INPP4B: variants seen among roughly 807,000 people sequenced by gnomAD.
INPP4B encodes inositol polyphosphate-4-phosphatase type II B.
Under a neutral mutation model 122.5 loss-of-function variants are expected in INPP4B, and 55 were observed. That is an observed-to-expected ratio of 0.45 (90% CI 0.36 to 0.56). The LOEUF (loss-of-function observed/expected upper bound fraction) is 0.56, where lower values mean the gene tolerates loss of function less well. Among genes scored for constraint, INPP4B ranks in the 20% least tolerant of loss-of-function variants. INPP4B has a pLI of 0.00. For synonymous variants in INPP4B, 403 were observed against 388.7 expected (o/e 1.04, Z -0.43); for missense variants, 1,000 against 1,097.7 (o/e 0.91, Z 1.26).
chr4:142,456,998 A>G (rs1815589056), intron 3 of INPP4B, among the ~76,000 whole-genome samples: 1 of 152,130 alleles, frequency 6.6e-6, no homozygotes, highest in Non-Finnish European at 1.5e-5. Flanking sequence ...CAATACATGC[A>G]TACATAATCA....
At chr4:142,501,691 A>G (rs535299748) in intron 2 of INPP4B, among the ~76,000 whole-genome samples, 1 of 152,230 alleles carries the variant, frequency 6.6e-6, no homozygotes, top group Admixed American at 6.5e-5. Flanking sequence ...TGAGGTGAAG[A>G]AAAAAATCTA....
chr4:142,753,409 C>G (rs1192117780), intron 1 of INPP4B, among the ~76,000 whole-genome samples: 1 of 152,022 alleles, frequency 6.6e-6, no homozygotes, highest in African/African-American at 2.4e-5. Context: ...CTTAAACCTA[C>G]TTTATAGTGA....
At chr4:142,190,205 TTG>T (rs1835146393) in intron 15 of INPP4B, among the ~76,000 whole-genome samples, 1 of 24,204 alleles carries the variant, frequency 4.1e-5, no homozygotes, top group African/African-American at 8.3e-5. Context: ...TTGTTTATTT[TTG>T]TTTTTTTTTT....
chr4:142,537,670 G>C (rs1255775453), intron 2 of INPP4B, among the ~76,000 whole-genome samples: 1 of 151,436 alleles, frequency 6.6e-6, no homozygotes, highest in Non-Finnish European at 1.5e-5. Flanking sequence ...TTAACGGTGA[G>C]AGATAAAAAA....
chr4:142,297,001 ACTTGAAGTTACTTCT>A (rs1759008650), intron 9 of INPP4B, among the ~76,000 whole-genome samples: 1 of 65,372 alleles, frequency 1.5e-5, no homozygotes, highest in Admixed American at 1.7e-4. Context: ...AAGTTACTTC[ACTTGAAGTTACTTCT>A]CTGGACAGTT....
chr4:142,152,232 A>G (rs1419317618), intron 17 of INPP4B, among the ~76,000 whole-genome samples: 4 of 148,356 alleles, frequency 2.7e-5, no homozygotes, highest in Admixed American at 6.7e-5. Flanking sequence ...CCACCACCAC[A>G]CCCGGCTAAT....
At position 142,123,292 on chromosome 4, in the gene INPP4B, T is replaced by C. The variant is rs114952667; in HGVS notation, c.2017A>G (p.Ser673Gly). 3,129 of 1,606,754 alleles carry C rather than the reference T, an allele frequency of 1.9e-3. 9 individuals are homozygous for C. The highest frequency in any genetic ancestry group is 2.5e-3 in the Non-Finnish European group (2,940 of 1,176,220). Residue 673 changes from serine to glycine, a missense_variant and splice_region_variant, in exon 20 of 26, where the codon AGC becomes GGC. Coordinates refer to ENST00000262992, the MANE Select transcript of INPP4B (RefSeq NM_001101669.3). ...TAACTTGTACTAAAGCAATACTCAC[T>C]GTATGTACTTAGCAGTCCTTCATAT... ...VQYEGLLSTY[S>G]DEIGMLEDMA...
chr4:142,694,215 A>C (rs1760679132), intron 2 of INPP4B, among the ~76,000 whole-genome samples: 1 of 151,984 alleles, frequency 6.6e-6, no homozygotes, highest in Admixed American at 6.6e-5. Context: ...TGTACTAAAA[A>C]TACAAAAATT....
intron 5 of INPP4B, among the ~76,000 whole-genome samples, chr4:142,413,079 C>G (rs965435958): frequency 2.0e-5 from 3 of 152,094 alleles, no homozygotes; most frequent in Admixed American, 6.5e-5. Flanking sequence ...CCTAAAGGAC[C>G]ATGCATCGCT....
chr4:142,483,755 T>G (rs969965478), intron 2 of INPP4B, among the ~76,000 whole-genome samples: 1 of 152,090 alleles, frequency 6.6e-6, no homozygotes, highest in Non-Finnish European at 1.5e-5. Context: ...CTGAATTTCT[T>G]GCTATCGTGT....
intron 23 of INPP4B, among the ~76,000 whole-genome samples, chr4:142,089,436 AC>A (rs1216898928): frequency 1.6e-5 from 2 of 128,184 alleles, no homozygotes; most frequent in Non-Finnish European, 3.2e-5. Flanking sequence ...AGATGTTCTC[AC>A]CACACACACA....
chr4:142,295,072 T>C (rs551495921), intron 9 of INPP4B, among the ~76,000 whole-genome samples: 13 of 152,144 alleles, frequency 8.5e-5, no homozygotes, highest in African/African-American at 3.1e-4. Flanking sequence ...ACATTTAGGG[T>C]ACCTGAATGT....
intron 1 of INPP4B, among the ~76,000 whole-genome samples, chr4:142,774,807 C>T (rs1013481716): frequency 6.6e-6 from 1 of 151,994 alleles, no homozygotes; most frequent in Non-Finnish European, 1.5e-5. Flanking sequence ...TGCAGTTTCT[C>T]TTATTATTAA....
intron 2 of INPP4B, among the ~76,000 whole-genome samples, chr4:142,632,052 C>G (rs947623682): frequency 2.6e-5 from 4 of 152,104 alleles, no homozygotes; most frequent in African/African-American, 9.7e-5. Context: ...TTCTCTCAAA[C>G]AGACAAGAAT....
chr4:142,420,956 T>C (rs1278162810), intron 5 of INPP4B, among the ~76,000 whole-genome samples: 1 of 152,154 alleles, frequency 6.6e-6, no homozygotes, highest in African/African-American at 2.4e-5. Context: ...CCACTTACGC[T>C]AATTCATTTA....
chr4:142,787,121 T>C (rs1203211925), intron 1 of INPP4B, among the ~76,000 whole-genome samples: 1 of 152,154 alleles, frequency 6.6e-6, no homozygotes, highest in East Asian at 1.9e-4. Context: ...AATTTTGTTG[T>C]AAATCTGAAA....
chr4:142,073,160 T>C (rs981102478), intron 25 of INPP4B, among the ~76,000 whole-genome samples: 1 of 152,148 alleles, frequency 6.6e-6, no homozygotes, highest in Non-Finnish European at 1.5e-5. Context: ...ATATGCTCTA[T>C]AAATTACAGT....
chr4:142,139,302 A>AATTATTATT (rs149940996), intron 18 of INPP4B, among the ~76,000 whole-genome samples: 1 of 151,274 alleles, frequency 6.6e-6, no homozygotes, highest in African/African-American at 2.4e-5. Flanking sequence ...TCTAGTCTTT[A>AATTATTATT]ATTATTATTA....
intron 2 of INPP4B, among the ~76,000 whole-genome samples, chr4:142,701,425 C>G (rs1476836975): frequency 7.3e-5 from 11 of 151,244 alleles, no homozygotes; most frequent in Admixed American, 3.3e-4. Context: ...GGCAGCCACA[C>G]TCTAACTGGT....
Sources: gnomAD v4.1 joint callset for allele counts (sites outside exome capture counted in the v4.1 genomes callset) on GRCh38, gnomAD v4.1.1 for gene constraint, MANE v1.5 for transcripts, NCBI Gene and HGNC (gene_info 2026-07-23, HGNC 2026-07-21) for gene names.